NFKBID: variants seen among roughly 807,000 people sequenced by gnomAD.
NFKBID encodes the protein NF-kappa-B inhibitor delta.
Under a neutral mutation model 53.4 loss-of-function variants are expected in NFKBID, and 26 were observed. That is an observed-to-expected ratio of 0.49 (90% CI 0.36 to 0.68). The LOEUF is 0.68. NFKBID is among the 30% of genes least tolerant of loss of function. The probability of loss-of-function intolerance (pLI) is 0.00; values close to 1 mark genes in which losing one functional copy is unlikely to be tolerated. For missense variants in NFKBID, 493 were observed against 614.1 expected (o/e 0.80, Z 2.08); for synonymous variants, 262 against 259.8 (o/e 1.01, Z -0.08).
chr19:35,889,865 ACAGG>A (rs770248501), intron 11 of NFKBID, 21 bp downstream of exon 11: 69 of 1,586,234 alleles, frequency 4.3e-5, no homozygotes, highest in Non-Finnish European at 5.8e-5. Context: ...AGGCCACTCT[ACAGG>A]CAGGCTCAGT....
exon 2 of NFKBID, chr19:35,898,811 C>T (rs963703179): frequency 1.6e-5 from 25 of 1,535,774 alleles, no homozygotes; most frequent in Non-Finnish European, 2.0e-5. Flanking sequence ...TGGCTGCGCT[C>T]ACCCCTGCTC....
In NFKBID at chr19:35,896,259, T is replaced by A; in HGVS notation, c.842A>T (p.Asn281Ile). 6.2e-7 allele frequency: 1 copy of A among 1,614,012 alleles called. No individual in the cohort carries two copies. The highest frequency in any genetic ancestry group is 8.5e-7 in the Non-Finnish European group (1 of 1,179,986). Residue 281 changes from asparagine to isoleucine, a missense_variant, in exon 8 of 12, where the codon AAC becomes ATC. By Grantham distance (149) the Asn-to-Ile change is moderately radical. This residue lies in a region of NFKBID where 267 missense variants were observed against 384.6 expected (regional missense o/e 0.69). Transcript: ENST00000641389. The surrounding 1 kb of genome is among the most constrained non-coding windows in gnomAD (Gnocchi z 5.7). ...TTCCAGGTCAACCTGGACCCCAGAG[T>A]TAAGCACAGCCTGGGAGGAAGAGAA...
chr19:35,888,043 C>T (rs943585263), downstream of NFKBID: 1 of 153,428 alleles, frequency 6.5e-6, no homozygotes, highest in African/African-American at 2.4e-5. Context: ...ACTGGGGGCC[C>T]AGCTGAGCTC....
At chr19:35,893,715 G>A (rs982542562) in intron 9 of NFKBID, among the ~76,000 whole-genome samples, 1 of 151,898 alleles carries the variant, frequency 6.6e-6, no homozygotes, top group African/African-American at 2.4e-5. Context: ...AGCTACTCAG[G>A]AGGCTGAGGC....
At chr19:35,889,844 C>T (rs745566045) in intron 11 of NFKBID, 46 bp downstream of exon 11, 10 of 1,553,230 alleles carry the variant, frequency 6.4e-6, no homozygotes, top group African/African-American at 4.1e-5. Context: ...ATCCCGCGCC[C>T]GCGAGCTCAG....
intron 11 of NFKBID, among the ~76,000 whole-genome samples, chr19:35,889,613 G>T (rs1857455892): frequency 6.6e-6 from 1 of 152,078 alleles, no homozygotes; most frequent in Admixed American, 6.6e-5. Flanking sequence ...GGGATCAAAG[G>T]TCACACCTTG....
Position 35,898,536 on chromosome 19 carries a change from T to C in NFKBID, c.166-4A>G, listed in dbSNP as rs1975350685. 1.3e-6 allele frequency: 2 copies of C among 1,529,258 alleles called. No homozygotes were observed. Among genetic ancestry groups the C allele is most frequent in the African/African-American group, 1.4e-5 (1 of 72,330 alleles). The allele number at this position is 1,529,258 out of a possible 1,614,324, so 94.7% of individuals were successfully genotyped here. A position where few individuals can be genotyped will look rare whatever the true frequency, so the allele number is the denominator to read the frequency against. ...CTGGGGGAGGGAGAAATTGTCCCTG[T>C]AGAGACAAAAGCAAAAAGGAACCCA... On this transcript the variant is annotated splice_region_variant and splice_polypyrimidine_tract_variant and intron_variant, in intron 2 of 11. Transcript: ENST00000641389.
At chr19:35,902,106 T>C, upstream of NFKBID, 1 of 699,008 alleles carries the variant, frequency 1.4e-6, no homozygotes, top group Non-Finnish European at 2.6e-6. Flanking sequence ...AGTGAGGTTA[T>C]TCAGCATCTC....
At chr19:35,889,168 T>C (rs899592616) in intron 11 of NFKBID, among the ~76,000 whole-genome samples, 1 of 146,866 alleles carries the variant, frequency 6.8e-6, no homozygotes, top group African/African-American at 2.6e-5. Flanking sequence ...CTGGACAACA[T>C]AGTGTGACCC....
intron 4 of NFKBID, 34 bp from the exon 5 acceptor site, chr19:35,897,092 G>A (rs1975228842): frequency 1.3e-6 from 2 of 1,583,832 alleles, no homozygotes; most frequent in African/African-American, 1.4e-5. Flanking sequence ...AGAACTGGGT[G>A]TCTGGGGGGT....
At chr19:35,900,763 C>T, upstream of NFKBID, 2 of 563,518 alleles carry the variant, frequency 3.5e-6, no homozygotes, top group East Asian at 3.5e-5. Flanking sequence ...GCACCGGGCT[C>T]CAAGAGGAGG....
rs1974677333 is a variant in NFKBID at position 35,890,368 on chromosome 19, T to C, written c.1149+6A>G. On this transcript the variant is annotated splice_donor_region_variant and intron_variant, in intron 10 of 11. Coordinates refer to ENST00000641389, the Ensembl canonical transcript of NFKBID. ...ACAATCTGCACTTCCCAGCCCCAGC[T>C]CCCACCTTCATGTTGACAAAGGTCC... 6.3e-7 allele frequency: 1 copy of C among 1,583,440 alleles called. No homozygotes were observed. Among genetic ancestry groups the C allele is most frequent in the Non-Finnish European group, 8.6e-7 (1 of 1,159,026 alleles).
chr19:35,897,291 G>A (rs1975246666), intron 4 of NFKBID, among the ~76,000 whole-genome samples: 1 of 151,658 alleles, frequency 6.6e-6, no homozygotes, highest in East Asian at 1.9e-4. Context: ...GTCTTGCTCT[G>A]TCACCCAGGC....
At chr19:35,900,401 C>T in intron 1 of NFKBID, 41 bp downstream of exon 1, 5 of 1,220,882 alleles carry the variant, frequency 4.1e-6, no homozygotes, top group Non-Finnish European at 5.1e-6. Flanking sequence ...CAGTCCCTCA[C>T]TCTCTTAGGG....
chr19:35,900,370 C>T (rs1975493739), intron 1 of NFKBID, 72 bp downstream of exon 1: 3 of 1,121,826 alleles, frequency 2.7e-6, no homozygotes, highest in Non-Finnish European at 2.3e-6. Context: ...TCCCTCAGGG[C>T]CTCGGGAGTC....
intron 9 of NFKBID, 49 bp from the exon 10 acceptor site, chr19:35,890,539 G>T: frequency 7.9e-7 from 1 of 1,268,912 alleles, no homozygotes; most frequent in Non-Finnish European, 1.2e-6. Context: ...ACACCTAGGT[G>T]CCCTCCCACA....
chr19:35,900,827 C>CTTTTTTTTTTTTTTTTTTTTTTTT (rs60365058), upstream of NFKBID, among the ~76,000 whole-genome samples: 57 of 107,602 alleles, frequency 5.3e-4, 1 homozygote, highest in African/African-American at 6.5e-4. Flanking sequence ...TTTTTCTTTT[C>CTTTTTTTTTTTTTTTTTTTTTTTT]TTTTTTTTTT....
upstream of NFKBID, chr19:35,901,602 T>TA (rs1975568119): frequency 6.5e-6 from 1 of 152,844 alleles, no homozygotes; most frequent in South Asian, 2.0e-4. Context: ...TTTTTATTGT[T>TA]AGAGAGAGGG....
At chr19:35,888,568 C>T in exon 12 of NFKBID, 1 of 1,569,650 alleles carries the variant, frequency 6.4e-7, no homozygotes, top group Non-Finnish European at 8.6e-7. Flanking sequence ...CCTAAGAGGA[C>T]AGGCCTGGCG....
Sources: gnomAD v4.1 joint callset for allele counts (sites outside exome capture counted in the v4.1 genomes callset) on GRCh38, gnomAD v4.1.1 for gene constraint, gnomAD v4.1.1 regional missense constraint, Gnocchi (gnomAD v3.1) non-coding constraint, MANE v1.5 for transcripts, NCBI Gene and HGNC (gene_info 2026-07-23, HGNC 2026-07-21) for gene names.